TBC1D22A: variants seen among roughly 807,000 people sequenced by gnomAD.
TBC1D22A encodes the protein TBC1 domain family member 22A.
In TBC1D22A, 38 loss-of-function variants were observed where a neutral mutation model predicts 60.2. That is an observed-to-expected ratio of 0.63 (90% CI 0.49 to 0.83). The LOEUF is 0.83. Ranked by LOEUF, TBC1D22A falls within the 40% of genes least tolerant of loss-of-function variation. The pLI, the probability that TBC1D22A is intolerant of heterozygous loss-of-function variation, is 0.00. For synonymous variants in TBC1D22A, 302 were observed against 281.7 expected (o/e 1.07, Z -0.72); for missense variants, 628 against 701.0 (o/e 0.90, Z 1.18).
intron 10 of TBC1D22A, among the ~76,000 whole-genome samples, chr22:47,027,666 C>A (rs553244220): frequency 6.6e-6 from 1 of 152,316 alleles, no homozygotes; most frequent in African/African-American, 2.4e-5. Flanking sequence ...TTTGTGTGAC[C>A]TTAAGCTAGG....
chr22:47,173,356 C>G, intron 12 of TBC1D22A, 142 bp from the exon 13 acceptor site: 1 of 1,180,328 alleles, frequency 8.5e-7, no homozygotes. Flanking sequence ...GTCTTTCTCT[C>G]CAGTTTTCCT....
chr22:46,879,720 T>C (rs187359765), intron 5 of TBC1D22A, among the ~76,000 whole-genome samples: 4 of 152,370 alleles, frequency 2.6e-5, no homozygotes, highest in Admixed American at 2.6e-4. Context: ...CTAAGATAGG[T>C]TGCAGACTTC....
chr22:47,150,536 G>T (rs1206417540), intron 12 of TBC1D22A, among the ~76,000 whole-genome samples: 1 of 152,192 alleles, frequency 6.6e-6, no homozygotes, highest in Admixed American at 6.5e-5. Context: ...GGTGGCACCG[G>T]AGTCCCTGTG....
intron 8 of TBC1D22A, among the ~76,000 whole-genome samples, chr22:46,930,885 A>C (rs1278393058): frequency 1.3e-5 from 2 of 152,180 alleles, no homozygotes; most frequent in Non-Finnish European, 2.9e-5. Flanking sequence ...TCTACCTTAC[A>C]CAAATTCACC....
intron 12 of TBC1D22A, among the ~76,000 whole-genome samples, chr22:47,129,392 A>C (rs1301984934): frequency 1.3e-5 from 2 of 152,174 alleles, no homozygotes; most frequent in Non-Finnish European, 1.5e-5. Flanking sequence ...CAGGAGAATC[A>C]CTTGAACCTG....
chr22:46,858,217 TGGCTCTTAAGTTTGA>T (rs2087668970), intron 4 of TBC1D22A, among the ~76,000 whole-genome samples: 1 of 152,274 alleles, frequency 6.6e-6, no homozygotes, highest in South Asian at 2.1e-4. Context: ...AGCTCCCGGA[TGGCTCTTAAGTTTGA>T]GAATCGTTTC....
At chr22:47,051,324 A>G (rs1472103783) in intron 11 of TBC1D22A, among the ~76,000 whole-genome samples, 1 of 152,244 alleles carries the variant, frequency 6.6e-6, no homozygotes, top group Non-Finnish European at 1.5e-5. Flanking sequence ...ATAATTAACT[A>G]CAATTTAAAT....
At chr22:46,810,251 C>T (rs193001778) in intron 4 of TBC1D22A, among the ~76,000 whole-genome samples, 1 of 152,214 alleles carries the variant, frequency 6.6e-6, no homozygotes, top group African/African-American at 2.4e-5. Context: ...TACAGTGGTT[C>T]CTCAGGGCTT....
chr22:46,899,142 G>T (rs940552898), intron 7 of TBC1D22A, among the ~76,000 whole-genome samples: 2 of 152,074 alleles, frequency 1.3e-5, no homozygotes, highest in African/African-American at 4.8e-5. Context: ...GGGGCTTTAG[G>T]AAAGTATTGA....
intron 12 of TBC1D22A, among the ~76,000 whole-genome samples, chr22:47,114,204 G>A (rs930623038): frequency 6.6e-6 from 1 of 152,074 alleles, no homozygotes; most frequent in Admixed American, 6.6e-5. Context: ...AACTTGAGAT[G>A]AAGGGAGGAC....
intron 11 of TBC1D22A, among the ~76,000 whole-genome samples, chr22:47,052,098 G>T (rs1459204666): frequency 3.3e-5 from 5 of 152,200 alleles, no homozygotes; most frequent in African/African-American, 9.6e-5. Flanking sequence ...CAAGGTGTCC[G>T]CAGGTCCTCT....
At chr22:47,005,802 C>T (rs1271881969) in intron 10 of TBC1D22A, among the ~76,000 whole-genome samples, 2 of 151,220 alleles carry the variant, frequency 1.3e-5, no homozygotes, top group Non-Finnish European at 3.0e-5. Flanking sequence ...GCCTTATATA[C>T]ACACTCTCCA....
intron 12 of TBC1D22A, among the ~76,000 whole-genome samples, chr22:47,134,986 G>A (rs1462837656): frequency 6.6e-6 from 1 of 152,230 alleles, no homozygotes; most frequent in Non-Finnish European, 1.5e-5. Flanking sequence ...TGAAGGGCTG[G>A]CCACTTACCC....
At chr22:47,102,740 CT>C (rs1354357366) in intron 11 of TBC1D22A, among the ~76,000 whole-genome samples, 6 of 152,068 alleles carry the variant, frequency 3.9e-5, no homozygotes, top group Admixed American at 2.6e-4. Flanking sequence ...ACAGTCCAGC[CT>C]TACTAATTCA....
chr22:46,844,390 C>T (rs564768703), intron 4 of TBC1D22A, among the ~76,000 whole-genome samples: 1 of 152,256 alleles, frequency 6.6e-6, no homozygotes, highest in Admixed American at 6.5e-5. Context: ...TCTGGGCAGC[C>T]CTGTCTCCCT....
At chr22:47,163,466 A>G (rs1348304355) in intron 12 of TBC1D22A, among the ~76,000 whole-genome samples, 3 of 152,258 alleles carry the variant, frequency 2.0e-5, no homozygotes, top group Non-Finnish European at 4.4e-5. Flanking sequence ...GCACAGGTGC[A>G]TCTGAAGGTG....
intron 12 of TBC1D22A, among the ~76,000 whole-genome samples, chr22:47,119,796 A>G (rs1035330407): frequency 6.6e-6 from 1 of 152,166 alleles, no homozygotes; most frequent in Non-Finnish European, 1.5e-5. Flanking sequence ...TGCCAGGCCT[A>G]GACTGGGTAA....
chr22:46,861,837 G>A (rs922692554), intron 4 of TBC1D22A, among the ~76,000 whole-genome samples: 3 of 152,244 alleles, frequency 2.0e-5, no homozygotes, highest in Admixed American at 6.5e-5. Context: ...GCTATGATCG[G>A]TGTTGACCCA....
chr22:47,143,271 C>T (rs984877117), intron 12 of TBC1D22A, among the ~76,000 whole-genome samples: 5 of 152,168 alleles, frequency 3.3e-5, no homozygotes, highest in Admixed American at 6.5e-5. Context: ...GTCTACAAAT[C>T]GACGGAGACC....
Sources: allele counts gnomAD v4.1 joint callset (sites outside exome capture counted in the v4.1 genomes callset), GRCh38; gene constraint gnomAD v4.1.1; transcripts MANE v1.5; gene names NCBI Gene and HGNC (gene_info 2026-07-23, HGNC 2026-07-21).